The following ANKS1B variants were observed in gnomAD, a reference collection of about 807,000 sequenced individuals.
ANKS1B encodes ankyrin repeat and sterile alpha motif domain containing 1B.
ANKS1B carries 36 observed loss-of-function variants against 148.3 expected under a neutral mutation model. The observed-to-expected ratio is 0.24, with a 90% CI of 0.19 to 0.32. The LOEUF is 0.32. Among genes scored for constraint, ANKS1B ranks in the 10% least tolerant of loss-of-function variants. The pLI is 1.00. For missense variants in ANKS1B, 1,157 were observed against 1,542.6 expected, an observed-to-expected ratio of 0.75 and a Z score of 4.19; for synonymous variants, 542 against 560.8, an observed-to-expected ratio of 0.97 and a Z score of 0.47.
intron 1 of ANKS1B, among the ~76,000 whole-genome samples, chr12:99,848,091 C>T (rs1344099510): frequency 6.6e-6 from 1 of 151,998 alleles, no homozygotes; most frequent in Non-Finnish European, 1.5e-5. Context: ...TCAATCAGTG[C>T]AGCAGGAGGT....
At chr12:99,649,141 T>A (rs1220930294) in intron 9 of ANKS1B, 1 of 687,906 alleles carries the variant, frequency 1.5e-6, no homozygotes, top group Non-Finnish European at 2.6e-6. Context: ...GTAGGACGTG[T>A]CTCCCTGCAA....
intron 11 of ANKS1B, among the ~76,000 whole-genome samples, chr12:99,428,856 T>C (rs1367052658): frequency 1.3e-5 from 2 of 152,098 alleles, no homozygotes; most frequent in African/African-American, 4.8e-5. Context: ...AAATCATATA[T>C]GAGATAAGCC....
chr12:99,858,426 G>A (rs555589380), intron 1 of ANKS1B, among the ~76,000 whole-genome samples: 1 of 152,206 alleles, frequency 6.6e-6, no homozygotes, highest in South Asian at 2.1e-4. Flanking sequence ...ACTGTTGGTG[G>A]GAATGTAAAC....
chr12:99,635,380 A>G (rs1314147425), intron 9 of ANKS1B, among the ~76,000 whole-genome samples: 1 of 152,208 alleles, frequency 6.6e-6, no homozygotes, highest in East Asian at 1.9e-4. Flanking sequence ...TGAATGGATC[A>G]ACAAAATATG....
chr12:98,875,118 T>C (rs2152436480), intron 17 of ANKS1B, among the ~76,000 whole-genome samples: 1 of 152,342 alleles, frequency 6.6e-6, no homozygotes, highest in Non-Finnish European at 1.5e-5. Flanking sequence ...TGCCCTCTTA[T>C]TCATCTCCAC....
At chr12:99,155,734 T>A (rs61940183) in intron 14 of ANKS1B, among the ~76,000 whole-genome samples, 9,061 of 152,272 alleles carry the variant, frequency 0.06, 376 homozygotes, top group Non-Finnish European at 0.096. Flanking sequence ...GGAGAGAACT[T>A]GCAGAAAGGT....
intron 1 of ANKS1B, among the ~76,000 whole-genome samples, chr12:99,974,615 T>C (rs1350477389): frequency 6.6e-6 from 1 of 152,114 alleles, no homozygotes; most frequent in Non-Finnish European, 1.5e-5. Flanking sequence ...TTCACACCTA[T>C]AATCCCAGAA....
chr12:98,901,210 T>C (rs2099771525), intron 17 of ANKS1B, among the ~76,000 whole-genome samples: 2 of 152,142 alleles, frequency 1.3e-5, no homozygotes, highest in Non-Finnish European at 2.9e-5. Context: ...GCTTTCCAAA[T>C]AGAAATATGC....
chr12:99,516,962 G>A (rs1360299572), intron 9 of ANKS1B, among the ~76,000 whole-genome samples: 1 of 151,992 alleles, frequency 6.6e-6, no homozygotes, highest in African/African-American at 2.4e-5. Flanking sequence ...CTCCAGTGTG[G>A]TTCTTTTCTT....
intron 9 of ANKS1B, among the ~76,000 whole-genome samples, chr12:99,587,115 C>T: frequency 6.6e-6 from 1 of 152,220 alleles, no homozygotes; most frequent in East Asian, 1.9e-4. Flanking sequence ...AATGGCAGAG[C>T]AGGGTAAAGA....
chr12:99,382,731 GA>G (rs2093694826), intron 12 of ANKS1B, among the ~76,000 whole-genome samples: 1 of 147,242 alleles, frequency 6.8e-6, no homozygotes, highest in Non-Finnish European at 1.5e-5. Flanking sequence ...GAGAGAGAGA[GA>G]GAGCTTGCAC....
intron 9 of ANKS1B, among the ~76,000 whole-genome samples, chr12:99,538,326 T>C (rs928875187): frequency 6.6e-6 from 1 of 152,168 alleles, no homozygotes; most frequent in African/African-American, 2.4e-5. Context: ...GGGATTTCAT[T>C]GAATCTGTAC....
chr12:99,483,260 T>C (rs544742228), intron 10 of ANKS1B, among the ~76,000 whole-genome samples: 18 of 152,212 alleles, frequency 1.2e-4, no homozygotes, highest in African/African-American at 4.1e-4. Flanking sequence ...GAGATGATCA[T>C]ATCATTTTTG....
chr12:99,644,158 ATC>A (rs2098336683), intron 9 of ANKS1B, among the ~76,000 whole-genome samples: 1 of 152,188 alleles, frequency 6.6e-6, no homozygotes, highest in Admixed American at 6.5e-5. Flanking sequence ...CACCTACTAG[ATC>A]TGCTTTGCAC....
chr12:99,327,053 A>G (rs111704317), intron 12 of ANKS1B, among the ~76,000 whole-genome samples: 1 of 135,668 alleles, frequency 7.4e-6, no homozygotes, highest in Non-Finnish European at 1.5e-5. Flanking sequence ...ATATACAATT[A>G]TATATAATAC....
intron 9 of ANKS1B, among the ~76,000 whole-genome samples, chr12:99,554,337 A>T (rs10860465): frequency 1.3e-5 from 2 of 152,084 alleles, no homozygotes; most frequent in African/African-American, 4.8e-5. Context: ...AATGGATATG[A>T]GTCAGGGATT....
At chr12:99,855,397 T>A (rs1180149703) in intron 1 of ANKS1B, among the ~76,000 whole-genome samples, 1 of 151,800 alleles carries the variant, frequency 6.6e-6, no homozygotes, top group Non-Finnish European at 1.5e-5. Context: ...ACACTGGAGA[T>A]CCCAAATTTA....
intron 14 of ANKS1B, among the ~76,000 whole-genome samples, chr12:99,187,841 A>G (rs2080079324): frequency 6.6e-6 from 1 of 152,220 alleles, no homozygotes; most frequent in Admixed American, 6.5e-5. Flanking sequence ...CACACATAAC[A>G]ATATTAACCT....
At chr12:99,553,854 A>G (rs2097249525) in intron 9 of ANKS1B, among the ~76,000 whole-genome samples, 1 of 152,196 alleles carries the variant, frequency 6.6e-6, no homozygotes, top group Non-Finnish European at 1.5e-5. Flanking sequence ...GTGGCCGAAG[A>G]CTGTCCAATT....
Sources: allele counts gnomAD v4.1 joint callset (sites outside exome capture counted in the v4.1 genomes callset), GRCh38; gene constraint gnomAD v4.1.1; transcripts MANE v1.5; gene names NCBI Gene and HGNC (gene_info 2026-07-23, HGNC 2026-07-21).